ZNF765: variants seen among roughly 807,000 people sequenced by gnomAD.
ZNF765 encodes zinc finger protein 765.
A neutral mutation model predicts 44.7 loss-of-function variants in ZNF765; 37 were observed. The observed-to-expected ratio is 0.83, with a 90% CI of 0.64 to 1.09. The LOEUF (loss-of-function observed/expected upper bound fraction) is 1.09. ZNF765 is among the 50% of genes least tolerant of loss of function. The probability of loss-of-function intolerance (pLI) is 0.00; values close to 1 mark genes in which losing one functional copy is unlikely to be tolerated. For synonymous variants in ZNF765, 201 were observed against 213.7 expected (o/e 0.94, Z 0.52); for missense variants, 594 against 626.1 (o/e 0.95, Z 0.55).
At chr19:53,414,589 C>G (rs1044367943), downstream of ZNF765, among the ~76,000 whole-genome samples, 2 of 148,886 alleles carry the variant, frequency 1.3e-5, no homozygotes, top group African/African-American at 5.0e-5. Flanking sequence ...TATAGACTTT[C>G]TTGCAAATCC....
At chr19:53,395,591 C>T (rs1163996152) in intron 1 of ZNF765, among the ~76,000 whole-genome samples, 1 of 152,252 alleles carries the variant, frequency 6.6e-6, no homozygotes, top group Non-Finnish European at 1.5e-5. Context: ...GCCGCGTCCT[C>T]TGTCTGGTCC....
downstream of ZNF765, among the ~76,000 whole-genome samples, chr19:53,412,993 C>T (rs1428413470): frequency 6.6e-6 from 1 of 152,086 alleles, no homozygotes; most frequent in Non-Finnish European, 1.5e-5. Context: ...GCCAGTAATC[C>T]CAGTTACTGG....
chr19:53,403,114 G>T (rs1409487157), intron 3 of ZNF765, among the ~76,000 whole-genome samples: 1 of 151,430 alleles, frequency 6.6e-6, no homozygotes, highest in Non-Finnish European at 1.5e-5. Context: ...AGTGAGCCAA[G>T]ATTGCCACTG....
At position 53,403,179 on chromosome 19, in the gene ZNF765, A is replaced by T. The variant is rs571403611; in HGVS notation, c.142+988A>T. ...TGTCTCAAAAAAAAAAAGAAAAAAA[A>T]ATTTCATATGTGTGTCCTTAAGGCT... On this transcript the variant is annotated intron_variant, in intron 3 of 3. Coordinates refer to ENST00000396408, the MANE Select transcript of ZNF765 (RefSeq NM_001040185.3). Among the ~76,000 whole-genome samples, 10 of 152,138 alleles carry T rather than the reference A, an allele frequency of 6.6e-5. No homozygotes were observed. The East Asian group carries it at 1.7e-3, about 27-fold the overall frequency.
At chr19:53,398,966 G>A (rs1018596702) in intron 2 of ZNF765, among the ~76,000 whole-genome samples, 2 of 151,886 alleles carry the variant, frequency 1.3e-5, no homozygotes, top group Non-Finnish European at 2.9e-5. Flanking sequence ...GGCCAGGCTG[G>A]TCTCAAACTA....
downstream of ZNF765, among the ~76,000 whole-genome samples, chr19:53,414,012 G>T (rs932407609): frequency 6.6e-6 from 1 of 151,046 alleles, no homozygotes; most frequent in Non-Finnish European, 1.5e-5. Flanking sequence ...AGGCTGAGGC[G>T]GGCGGATCAC....
intron 3 of ZNF765, among the ~76,000 whole-genome samples, chr19:53,405,919 A>ACCAAC (rs1466393158): frequency 3.2e-5 from 2 of 63,454 alleles, no homozygotes; most frequent in African/African-American, 8.0e-5. Context: ...ATATATATAT[A>ACCAAC]TATATATATA....
At chr19:53,396,688 C>G (rs933737255) in intron 1 of ZNF765, among the ~76,000 whole-genome samples, 3 of 152,160 alleles carry the variant, frequency 2.0e-5, no homozygotes, top group African/African-American at 7.2e-5. Context: ...TTGAAGTGAG[C>G]TTGCTAGGCA....
chr19:53,408,441 G>A lies in ZNF765; in HGVS notation c.886G>A (p.Glu296Lys), dbSNP rs530737609. ...ATGCCATCGTAGACTTCATACTGGAGAGAAACCTTACAAATGTGAAGAATG... is the reference window on the plus strand; with the variant it reads ...ATGCCATCGTAGACTTCATACTGGAAAGAAACCTTACAAATGTGAAGAATG... ...LTCHRRLHTG[E>K]KPYKCEECDK... is the part of the protein sequence containing the mutation. Residue 296 changes from glutamate (E) to lysine (K), a missense_variant, in exon 4 of 4, where the codon GAG (glutamate) becomes AAG (lysine). Coordinates refer to ENST00000396408, the MANE Select transcript of ZNF765 (RefSeq NM_001040185.3). The A allele has an allele frequency of 1.9e-6, 3 of 1,613,794 alleles. No individual in the cohort carries two copies. The South Asian group carries it at 3.3e-5, about 18-fold the overall frequency.
At chr19:53,422,862 A>G (rs1467112356) in intron 3 of ZNF765, among the ~76,000 whole-genome samples, 6 of 152,188 alleles carry the variant, frequency 3.9e-5, no homozygotes, top group South Asian at 4.1e-4. Flanking sequence ...GAATCCTGGG[A>G]ATTTCTATCT....
At position 53,407,715 on chromosome 19, in the gene ZNF765, A is replaced by G; in HGVS notation, c.160A>G (p.Met54Val). 1.3e-6 allele frequency: 2 copies of G among 1,553,720 alleles called. No homozygotes were observed. Among genetic ancestry groups the G allele is most frequent in the East Asian group, 2.3e-5 (1 of 44,392 alleles). The change falls in exon 4 of 4, where the codon ATG becomes GTG. Residue 54 changes from methionine to valine, a missense_variant. Met to Val is a conservative substitution (Grantham distance 21, BLOSUM62 1). This residue lies in a region of ZNF765 where 567 missense variants were observed against 572.6 expected (regional missense o/e 0.99). Coordinates refer to ENST00000396408, the MANE Select transcript of ZNF765 (RefSeq NM_001040185.3). ...CTTTTTAGATATCTCTTCCAAATGC[A>G]TGATGAAGGAGTTCTCGTCAACAGC... is the stretch of plus-strand genomic sequence containing the variant. The part of the protein sequence containing the change: ...LVSLDISSKC[M>V]MKEFSSTAQG...
chr19:53,414,487 A>ACCACCACCAC (rs1568786107), downstream of ZNF765, among the ~76,000 whole-genome samples: 15 of 1,908 alleles, frequency 7.9e-3, 4 homozygotes, highest in Admixed American at 0.015. Flanking sequence ...ACACACACAC[A>ACCACCACCAC]CACCCCCCCC....
In ZNF765 at chr19:53,408,652, G is replaced by T; in HGVS notation, c.1097G>T (p.Arg366Leu). ...KCNECGKTFS[R>L]KSHFTCHHRV... ...AATGAGTGTGGCAAGACCTTTAGTC[G>T]GAAGTCACATTTTACATGCCATCAT... Residue 366 changes from arginine to leucine, a missense_variant, in exon 4 of 4, where the codon CGG becomes CTG. Arg to Leu is a moderately radical substitution (Grantham distance 102). Coordinates refer to ENST00000396408, the MANE Select transcript of ZNF765 (RefSeq NM_001040185.3). 1 of 1,600,012 alleles carries T rather than the reference G, an allele frequency of 6.2e-7. No homozygotes were observed.
chr19:53,396,612 G>C (rs1028132634), intron 1 of ZNF765, among the ~76,000 whole-genome samples: 2 of 152,054 alleles, frequency 1.3e-5, no homozygotes, highest in African/African-American at 4.8e-5. Flanking sequence ...TTGTTCTAAA[G>C]TGGGGTTTTC....
chr19:53,427,292 A>T (rs1264953919), exon 4 of ZNF765: 1 of 141,652 alleles, frequency 7.1e-6, no homozygotes, highest in Admixed American at 6.8e-5. Context: ...TATTGTTTTG[A>T]GTAAAATTAA....
At chr19:53,399,512 AAAT>A (rs777071183) in intron 2 of ZNF765, among the ~76,000 whole-genome samples, 4 of 152,130 alleles carry the variant, frequency 2.6e-5, no homozygotes, top group Non-Finnish European at 5.9e-5. Flanking sequence ...ATTGAAAAAA[AAAT>A]AACTTTTTTA....
At chr19:53,401,537 T>C (rs566121403) in intron 2 of ZNF765, among the ~76,000 whole-genome samples, 1 of 150,434 alleles carries the variant, frequency 6.6e-6, no homozygotes, top group East Asian at 2.0e-4. Flanking sequence ...TACTCCAGCC[T>C]GGGCGACAGA....
intron 2 of ZNF765, among the ~76,000 whole-genome samples, chr19:53,399,217 T>C (rs1295212705): frequency 6.7e-6 from 1 of 149,218 alleles, no homozygotes. Context: ...GTATATCTCC[T>C]AATGCTATCC....
At chr19:53,422,548 G>GTTTATT (rs747107317) in intron 3 of ZNF765, among the ~76,000 whole-genome samples, 3 of 152,050 alleles carry the variant, frequency 2.0e-5, no homozygotes, top group African/African-American at 7.2e-5. Flanking sequence ...TTTCAGCTGG[G>GTTTATT]TTTATTTTTA....
Sources: gnomAD v4.1 joint callset for allele counts (sites outside exome capture counted in the v4.1 genomes callset) on GRCh38, gnomAD v4.1.1 for gene constraint, gnomAD v4.1.1 regional missense constraint, MANE v1.5 for transcripts, NCBI Gene and HGNC (gene_info 2026-07-23, HGNC 2026-07-21) for gene names.